DNM3: variants seen among roughly 807,000 people sequenced by gnomAD.
DNM3 encodes dynamin 3.
DNM3 carries 47 observed loss-of-function variants against 101.6 expected under a neutral mutation model. The ratio of observed to expected loss-of-function variants is 0.46; its 90% CI spans 0.37 to 0.59. DNM3 has a LOEUF of 0.59. Among genes scored for constraint, DNM3 ranks in the 20% least tolerant of loss-of-function variants. The pLI is 0.00. For synonymous variants in DNM3, 385 were observed against 387.9 expected, an observed-to-expected ratio of 0.99 and a Z score of 0.09; for missense variants, 849 against 1,085.7, an observed-to-expected ratio of 0.78 and a Z score of 3.06.
At chr1:172,206,034 C>T (rs1459900327) in intron 14 of DNM3, among the ~76,000 whole-genome samples, 1 of 152,110 alleles carries the variant, frequency 6.6e-6, no homozygotes, top group Admixed American at 6.6e-5. Flanking sequence ...CAAATTTTCA[C>T]TCATTTCATT....
chr1:172,204,211 A>AT (rs1337894340), intron 14 of DNM3, among the ~76,000 whole-genome samples: 1 of 152,104 alleles, frequency 6.6e-6, no homozygotes, highest in African/African-American at 2.4e-5. Context: ...AAACTGGCAT[A>AT]TTTTTGGTAT....
intron 13 of DNM3, among the ~76,000 whole-genome samples, chr1:172,120,314 C>T (rs988862692): frequency 3.3e-5 from 5 of 152,036 alleles, no homozygotes; most frequent in African/African-American, 1.2e-4. Context: ...TATTCACTAT[C>T]AGGAGAACAG....
chr1:171,966,486 C>T (rs2043596930), intron 2 of DNM3, among the ~76,000 whole-genome samples: 1 of 152,182 alleles, frequency 6.6e-6, no homozygotes, highest in South Asian at 2.1e-4. Flanking sequence ...AAAAGACCAC[C>T]AGGATGGCTA....
intron 14 of DNM3, among the ~76,000 whole-genome samples, chr1:172,151,754 A>C (rs2058136656): frequency 6.6e-6 from 1 of 152,130 alleles, no homozygotes; most frequent in African/African-American, 2.4e-5. Context: ...CTTGGAGTTC[A>C]ACTTGCATCC....
intron 1 of DNM3, among the ~76,000 whole-genome samples, chr1:171,855,285 G>T (rs964733083): frequency 2.0e-5 from 3 of 152,140 alleles, no homozygotes; most frequent in African/African-American, 7.2e-5. Context: ...TCACTGATGG[G>T]CATTTAGGTT....
chr1:172,417,017 C>A (rs553708486), downstream of DNM3, among the ~76,000 whole-genome samples: 17 of 152,212 alleles, frequency 1.1e-4, no homozygotes, highest in East Asian at 3.3e-3. Context: ...CCCAGAAATA[C>A]ACCAGTCAGT....
At chr1:172,353,594 C>A (rs910701084) in intron 17 of DNM3, among the ~76,000 whole-genome samples, 1 of 152,156 alleles carries the variant, frequency 6.6e-6, no homozygotes, top group Non-Finnish European at 1.5e-5. Context: ...AGAAAATGTC[C>A]CACTTTTCCT....
At chr1:171,900,112 T>C (rs1222268157) in intron 1 of DNM3, among the ~76,000 whole-genome samples, 1 of 151,946 alleles carries the variant, frequency 6.6e-6, no homozygotes, top group African/African-American at 2.4e-5. Flanking sequence ...GTGGAGAAAA[T>C]CAAGGACAAC....
chr1:172,366,232 A>G (rs2068013286), intron 17 of DNM3, among the ~76,000 whole-genome samples: 1 of 151,948 alleles, frequency 6.6e-6, no homozygotes, highest in Non-Finnish European at 1.5e-5. Flanking sequence ...TTTCTAAAAA[A>G]AGTAAAAAAT....
intron 10 of DNM3, among the ~76,000 whole-genome samples, chr1:172,060,089 A>G (rs556920873): frequency 2.9e-4 from 44 of 151,508 alleles, no homozygotes; most frequent in African/African-American, 1.0e-3. Context: ...GTGAACTCCC[A>G]TTCACAATTG....
intron 1 of DNM3, among the ~76,000 whole-genome samples, chr1:171,855,228 A>G (rs569332043): frequency 6.6e-6 from 1 of 152,298 alleles, no homozygotes; most frequent in East Asian, 1.9e-4. Context: ...TCAAGGCTGC[A>G]TAGTATTCCA....
At chr1:172,244,893 G>C (rs2148661375) in intron 14 of DNM3, among the ~76,000 whole-genome samples, 1 of 152,314 alleles carries the variant, frequency 6.6e-6, no homozygotes, top group Non-Finnish European at 1.5e-5. Flanking sequence ...CTGCTATAAA[G>C]TTATAACTTC....
At chr1:172,088,964 A>G (rs2053719720) in intron 12 of DNM3, among the ~76,000 whole-genome samples, 2 of 152,228 alleles carry the variant, frequency 1.3e-5, no homozygotes, top group South Asian at 2.1e-4. Context: ...TTTTAGAATC[A>G]TTATGTCTCA....
At chr1:172,036,567 G>A (rs1045410465) in intron 6 of DNM3, among the ~76,000 whole-genome samples, 217 of 152,206 alleles carry the variant, frequency 1.4e-3, no homozygotes, top group African/African-American at 5.1e-3. Context: ...TTTAATAAAT[G>A]GTGCTGGGAA....
intron 12 of DNM3, among the ~76,000 whole-genome samples, chr1:172,087,682 A>G (rs2053626325): frequency 6.6e-6 from 1 of 151,870 alleles, no homozygotes; most frequent in Non-Finnish European, 1.5e-5. Flanking sequence ...GAATTCATCT[A>G]TTTCTTTCTA....
intron 14 of DNM3, chr1:172,139,094 C>A: frequency 2.9e-6 from 1 of 339,624 alleles, no homozygotes; most frequent in Non-Finnish European, 5.8e-6. Context: ...TACATTTGTT[C>A]CAAATGTGCT....
chr1:172,071,773 G>T (rs1294463429), intron 11 of DNM3, among the ~76,000 whole-genome samples: 1 of 150,622 alleles, frequency 6.6e-6, no homozygotes, highest in South Asian at 2.1e-4. Flanking sequence ...TTGAAGCAGT[G>T]GACTTTCTGG....
Position 172,141,476 on chromosome 1 carries a change from A to T in DNM3, c.1659+10188A>T, listed in dbSNP as rs376151842. On this transcript the variant is annotated intron_variant, in intron 14 of 20. Coordinates refer to ENST00000627582, the MANE Select transcript of DNM3 (RefSeq NM_015569.5). ...AAAGTGCATTGTTTATAAAGAGCAG[A>T]TCCCTTACAGAGTAAGTGAAAGCTT... 9.2e-5 allele frequency among the ~76,000 whole-genome samples: 14 copies of T among 152,216 alleles called. 1 individual carries two copies. In the South Asian group the frequency reaches 2.1e-3, roughly 23 times the overall value.
chr1:172,371,300 A>G (rs1035009159), intron 17 of DNM3, among the ~76,000 whole-genome samples: 2 of 152,038 alleles, frequency 1.3e-5, no homozygotes, highest in Non-Finnish European at 1.5e-5. Context: ...CACATTTGGT[A>G]TAATAAACCC....
Sources: gnomAD v4.1 joint callset for allele counts (sites outside exome capture counted in the v4.1 genomes callset) on GRCh38, gnomAD v4.1.1 for gene constraint, MANE v1.5 for transcripts, NCBI Gene and HGNC (gene_info 2026-07-23, HGNC 2026-07-21) for gene names.